Variants in PACRG observed in about 807,000 individuals in gnomAD.
The protein encoded by PACRG is parkin coregulated.
Under a neutral mutation model 29.7 loss-of-function variants are expected in PACRG, and 29 were observed. That is an observed-to-expected ratio of 0.98 (90% CI 0.73 to 1.33). The LOEUF is 1.33. Ranked by LOEUF, PACRG falls within the 40% of genes most tolerant of loss-of-function variation. The pLI is 0.00. For missense variants in PACRG, 279 were observed against 316.2 expected (o/e 0.88, Z 0.89); for synonymous variants, 116 against 118.7 (o/e 0.98, Z 0.15).
chr6:163,227,276 G>A (rs1468020108), intron 4 of PACRG, among the ~76,000 whole-genome samples: 1 of 152,062 alleles, frequency 6.6e-6, no homozygotes, highest in Non-Finnish European at 1.5e-5. Context: ...AGGAACAAGA[G>A]GGAGGTGGGA....
intron 4 of PACRG, among the ~76,000 whole-genome samples, chr6:163,148,908 C>T (rs916780130): frequency 7.5e-6 from 1 of 134,086 alleles, no homozygotes; most frequent in Non-Finnish European, 1.5e-5. Flanking sequence ...GACCGGTGAT[C>T]CATGCACAGT....
chr6:163,110,703 C>T (rs1815666548), intron 4 of PACRG, among the ~76,000 whole-genome samples: 1 of 152,224 alleles, frequency 6.6e-6, no homozygotes. Flanking sequence ...CTAGCAGCCC[C>T]TGGGCTGTCA....
Position 163,151,448 on chromosome 6 carries a change from C to T in PACRG, c.613+62040C>T, listed in dbSNP as rs1206986617. Among the ~76,000 whole-genome samples the T allele has an allele frequency of 3.9e-5, 6 of 152,182 alleles. No individual in the cohort carries two copies. The East Asian group carries it at 1.2e-3, about 29-fold the overall frequency. On this transcript the variant is annotated intron_variant, in intron 4 of 4. Coordinates refer to ENST00000366888, the MANE Select transcript of PACRG (RefSeq NM_001080379.2). ...CGTCCTCATCGGCAGGCTTTTGTTC[C>T]AGTCCTGAGAAAGACAGCCTCCCAC...
chr6:162,787,524 T>C (rs932067253), intron 1 of PACRG, among the ~76,000 whole-genome samples: 12 of 145,236 alleles, frequency 8.3e-5, no homozygotes, highest in Non-Finnish European at 1.8e-4. Flanking sequence ...TGTGTATATG[T>C]GTGTGTGTGT....
intron 2 of PACRG, among the ~76,000 whole-genome samples, chr6:162,881,860 C>T (rs1037063970): frequency 6.8e-6 from 1 of 146,602 alleles, no homozygotes; most frequent in Non-Finnish European, 1.5e-5. Context: ...TCCACCAAGA[C>T]CAGAGACCAG....
intron 2 of PACRG, among the ~76,000 whole-genome samples, chr6:162,954,101 A>C (rs1562774059): frequency 6.6e-6 from 1 of 152,230 alleles, no homozygotes; most frequent in Non-Finnish European, 1.5e-5. Context: ...AGGCTTATTT[A>C]AAAGTAATAT....
rs115592382 is a variant in PACRG at position 163,058,274 on chromosome 6, T to C, written c.292-3876T>C. Among the ~76,000 whole-genome samples, 941 of 152,268 alleles carry C rather than the reference T, an allele frequency of 6.2e-3. 17 individuals carry two copies. Among genetic ancestry groups the C allele is most frequent in the African/African-American group, 0.021 (892 of 41,568 alleles). ...CATCCACAAGCCCTGCAGCTCTTTG[T>C]CCGTCAGGTGAGAGCTGCCTATTGG... On this transcript the variant is annotated intron_variant, in intron 2 of 4. Coordinates refer to ENST00000366888, the MANE Select transcript of PACRG (RefSeq NM_001080379.2).
intron 2 of PACRG, among the ~76,000 whole-genome samples, chr6:162,967,801 A>G (rs928060444): frequency 2.0e-5 from 3 of 152,114 alleles, no homozygotes; most frequent in Non-Finnish European, 4.4e-5. Context: ...TTTTTTAATG[A>G]TATTATTTTA....
intron 2 of PACRG, among the ~76,000 whole-genome samples, chr6:162,937,298 T>A (rs914573011): frequency 6.6e-6 from 1 of 152,204 alleles, no homozygotes; most frequent in East Asian, 1.9e-4. Flanking sequence ...TTAAATATCA[T>A]CTTAACATGT....
intron 2 of PACRG, among the ~76,000 whole-genome samples, chr6:163,044,315 A>G (rs537716887): frequency 2.8e-4 from 43 of 152,118 alleles, no homozygotes; most frequent in Admixed American, 5.9e-4. Context: ...CCACAGGTGC[A>G]TATCACCAGG....
intron 2 of PACRG, among the ~76,000 whole-genome samples, chr6:162,850,441 A>C (rs1045119354): frequency 6.6e-6 from 1 of 152,228 alleles, no homozygotes. Flanking sequence ...GGAGCTGGTC[A>C]CTAGAAAGAC....
intron 1 of PACRG, among the ~76,000 whole-genome samples, chr6:162,813,748 G>C (rs1459773680): frequency 2.6e-5 from 4 of 152,006 alleles, no homozygotes; most frequent in Admixed American, 1.3e-4. Context: ...AATTACTTCA[G>C]TATTCCATAA....
chr6:162,809,828 T>C (rs145916940), intron 1 of PACRG, among the ~76,000 whole-genome samples: 31 of 152,268 alleles, frequency 2.0e-4, no homozygotes, highest in African/African-American at 7.0e-4. Flanking sequence ...AATATCTAAA[T>C]AATGGTTGTA....
At chr6:163,067,178 C>A (rs1811629643) in intron 3 of PACRG, among the ~76,000 whole-genome samples, 3 of 152,182 alleles carry the variant, frequency 2.0e-5, no homozygotes, top group Admixed American at 2.0e-4. Context: ...CATCCGCGGA[C>A]CTTGGTAAAA....
chr6:162,958,819 T>C (rs1319245784), intron 2 of PACRG, among the ~76,000 whole-genome samples: 2 of 142,584 alleles, frequency 1.4e-5, no homozygotes, highest in African/African-American at 5.2e-5. Context: ...ATAGAGCATA[T>C]ATAGAGTGTA....
At chr6:163,193,890 CTT>C (rs746859009) in intron 4 of PACRG, among the ~76,000 whole-genome samples, 13 of 111,486 alleles carry the variant, frequency 1.2e-4, no homozygotes, top group East Asian at 8.2e-4. Flanking sequence ...CTTTTTGTTT[CTT>C]TTTTTTTTTT....
chr6:163,285,756 T>C (rs1784379647), intron 4 of PACRG, among the ~76,000 whole-genome samples: 1 of 152,218 alleles, frequency 6.6e-6, no homozygotes, highest in Admixed American at 6.5e-5. Flanking sequence ...CTGTCATGGA[T>C]GCATATACTA....
intron 2 of PACRG, among the ~76,000 whole-genome samples, chr6:162,825,015 A>G (rs1048485001): frequency 6.6e-6 from 1 of 152,180 alleles, no homozygotes. Flanking sequence ...ATAAATGGTT[A>G]TCTATTTCAG....
intron 1 of PACRG, among the ~76,000 whole-genome samples, chr6:162,776,340 G>C (rs1205161518): frequency 6.6e-6 from 1 of 152,116 alleles, no homozygotes; most frequent in Non-Finnish European, 1.5e-5. Flanking sequence ...ACTCCCATCT[G>C]CCTGTCCTCA....
Sources: gnomAD v4.1 joint callset for allele counts (sites outside exome capture counted in the v4.1 genomes callset) on GRCh38, gnomAD v4.1.1 for gene constraint, MANE v1.5 for transcripts, NCBI Gene and HGNC (gene_info 2026-07-23, HGNC 2026-07-21) for gene names.